ZNF713: variants seen among roughly 807,000 people sequenced by gnomAD.
ZNF713 encodes zinc finger protein 713.
ZNF713 carries 21 observed loss-of-function variants against 28.7 expected under a neutral mutation model. The ratio of observed to expected loss-of-function variants is 0.73; its 90% CI spans 0.52 to 1.05. The LOEUF is 1.05. ZNF713 is among the 50% of genes least tolerant of loss of function. The pLI is 0.00. For synonymous variants in ZNF713, 167 were observed against 178.0 expected, an observed-to-expected ratio of 0.94 and a Z score of 0.49; for missense variants, 458 against 532.4, an observed-to-expected ratio of 0.86 and a Z score of 1.37.
Position 55,940,253 on chromosome 7 carries a change from G to A in ZNF713, c.*247G>A. On this transcript the variant is annotated 3_prime_UTR_variant, in exon 7 of 7. Transcript: ENST00000429591. The stretch of plus-strand genomic sequence containing the variant: ...TTCTCCTGCCTCAGCCTCCTGAGTA[G>A]CTGGGACCACAGGTATGCACCACCA... 1.6e-6 allele frequency: 1 copy of A among 616,790 alleles called. No individual in the cohort carries two copies. Among genetic ancestry groups the A allele is most frequent in the East Asian group, 4.7e-5 (1 of 21,318 alleles). The allele number at this position is 616,790 out of a possible 1,614,324, so 38.2% of individuals were successfully genotyped here. A position where few individuals can be genotyped will look rare whatever the true frequency, so the allele number is the denominator to read the frequency against.
chr7:55,932,137 A>G (rs1786222772), intron 6 of ZNF713, among the ~76,000 whole-genome samples: 1 of 152,198 alleles, frequency 6.6e-6, no homozygotes, highest in South Asian at 2.1e-4. Context: ...TAATTTTTCC[A>G]TGTGTAATTT....
intron 6 of ZNF713, among the ~76,000 whole-genome samples, chr7:55,938,129 G>A (rs753475364): frequency 4.6e-5 from 7 of 151,706 alleles, no homozygotes; most frequent in African/African-American, 1.5e-4. Context: ...GCTTGAACCC[G>A]GGAGGTGGAG....
chr7:55,921,522 G>A (rs955495132), intron 4 of ZNF713, among the ~76,000 whole-genome samples: 2 of 152,188 alleles, frequency 1.3e-5, no homozygotes, highest in African/African-American at 4.8e-5. Context: ...ATTAACAAGA[G>A]TTTGGAAGAA....
intron 2 of ZNF713, among the ~76,000 whole-genome samples, chr7:55,907,431 C>T (rs1785699760): frequency 6.6e-6 from 1 of 152,136 alleles, no homozygotes; most frequent in Admixed American, 6.6e-5. Flanking sequence ...GAAGTTAGTT[C>T]GTTCATGTTT....
chr7:55,907,819 C>T (rs1051338180), intron 2 of ZNF713, among the ~76,000 whole-genome samples: 1 of 152,128 alleles, frequency 6.6e-6, no homozygotes, highest in African/African-American at 2.4e-5. Context: ...CCTAGTATTC[C>T]ATGTTGTATA....
intron 6 of ZNF713, among the ~76,000 whole-genome samples, chr7:55,934,346 C>T (rs893088032): frequency 1.3e-5 from 2 of 151,894 alleles, no homozygotes; most frequent in African/African-American, 4.8e-5. Context: ...ATAAAACAGC[C>T]CATAAATATA....
At chr7:55,889,210 T>C (rs976787328) in intron 1 of ZNF713, among the ~76,000 whole-genome samples, 1 of 151,884 alleles carries the variant, frequency 6.6e-6, no homozygotes, top group African/African-American at 2.4e-5. Flanking sequence ...CAAATGATTC[T>C]CCTGTCTCAG....
intron 6 of ZNF713, among the ~76,000 whole-genome samples, chr7:55,927,766 G>T (rs189177036): frequency 6.6e-6 from 1 of 151,320 alleles, no homozygotes; most frequent in African/African-American, 2.4e-5. Context: ...GCTTGGTGGC[G>T]TGCACCTGTA....
intron 6 of ZNF713, among the ~76,000 whole-genome samples, chr7:55,929,760 A>C (rs1786174379): frequency 6.6e-6 from 1 of 151,914 alleles, no homozygotes; most frequent in South Asian, 2.1e-4. Context: ...AAAAAAAAAA[A>C]CTGGAGAGAG....
In ZNF713 at chr7:55,940,687, G is replaced by A; in HGVS notation, c.*681G>A. On this transcript the variant is annotated 3_prime_UTR_variant, in exon 7 of 7. Coordinates refer to ENST00000429591, the MANE Select transcript of ZNF713 (RefSeq NM_182633.3). The stretch of plus-strand genomic sequence containing the variant: ...ACATGGGAGGTGGAGGTTGCTGTGA[G>A]CTGAGATCATGCCACTGTACTCCAG... 7.6e-6 allele frequency: 3 copies of A among 392,896 alleles called. No individual in the cohort carries two copies. Among genetic ancestry groups the A allele is most frequent in the Non-Finnish European group, 1.0e-5 (3 of 290,440 alleles). The allele number at this position is 392,896 out of a possible 1,614,324, so 24.3% of individuals were successfully genotyped here.
intron 2 of ZNF713, among the ~76,000 whole-genome samples, chr7:55,909,645 T>C (rs755955826): frequency 6.6e-6 from 1 of 152,214 alleles, no homozygotes; most frequent in Non-Finnish European, 1.5e-5. Flanking sequence ...GCCATTTTAA[T>C]GATATTGATT....
chr7:55,890,803 T>G (rs562965410), intron 1 of ZNF713, among the ~76,000 whole-genome samples: 40 of 152,118 alleles, frequency 2.6e-4, no homozygotes, highest in Non-Finnish European at 5.4e-4. Context: ...ATGGATCATC[T>G]GAGGTCAGGA....
In ZNF713 at chr7:55,923,627, G is replaced by T. The variant is rs762736027; in HGVS notation, c.235G>T (p.Glu79Ter). 1.9e-6 allele frequency: 3 copies of T among 1,608,222 alleles called. No homozygotes were observed. The South Asian group carries it at 3.3e-5, about 18-fold the overall frequency. The change falls in exon 6 of 7, where the codon GAG becomes TAG. Residue 79 changes from glutamate (E) to a stop codon, truncating the protein, a stop_gained. Transcript: ENST00000429591. LOFTEE classifies it high-confidence loss of function. The part of the protein sequence containing the change: ...VALGYQLCKP[E>*]VIAQLELEEE... Reference sequence around the variant, plus strand: ...AATAGGGTATCAGCTTTGTAAGCCAGAGGTAATCGCGCAGTTGGAGCTAGA... The same window carrying T: ...AATAGGGTATCAGCTTTGTAAGCCATAGGTAATCGCGCAGTTGGAGCTAGA...
intron 2 of ZNF713, 46 bp from the exon 3 acceptor site, chr7:55,911,570 G>A (rs1481419168): frequency 6.6e-6 from 1 of 152,188 alleles, no homozygotes; most frequent in Non-Finnish European, 1.5e-5. Context: ...CTAGGTGGCT[G>A]AGACTGCTGG....
At chr7:55,919,981 A>G (rs1380617497) in intron 4 of ZNF713, among the ~76,000 whole-genome samples, 2 of 152,146 alleles carry the variant, frequency 1.3e-5, no homozygotes, top group Non-Finnish European at 2.9e-5. Context: ...CTTAATTGAT[A>G]AATGTTGTGT....
At chr7:55,937,486 A>G (rs1786377740) in intron 6 of ZNF713, among the ~76,000 whole-genome samples, 1 of 152,080 alleles carries the variant, frequency 6.6e-6, no homozygotes, top group South Asian at 2.1e-4. Context: ...CCCTTTCTGT[A>G]ACCCATCCAG....
rs918345834 is a variant in ZNF713 at position 55,941,673 on chromosome 7, TAA to T, written c.*1668_*1669del. The stretch of plus-strand genomic sequence containing the variant: ...AGGAAATACTATTTAGCATATAAAA[TAA>T]GTTATATGCTAGTTTTATATGCTAA... On this transcript the variant is annotated 3_prime_UTR_variant, in exon 7 of 7. Coordinates refer to ENST00000429591, the MANE Select transcript of ZNF713 (RefSeq NM_182633.3). 13 of 152,252 alleles carry T rather than the reference TAA, an allele frequency of 8.5e-5. No homozygotes were observed. Among genetic ancestry groups the T allele is most frequent in the African/African-American group, 2.9e-4 (12 of 41,562 alleles). The allele number at this position is 152,252 out of a possible 1,614,324, so 9.4% of individuals were successfully genotyped here.
At position 55,923,540 on chromosome 7, in the gene ZNF713, T is replaced by C. The variant is rs1345091153; in HGVS notation, c.215-67T>C. Reference sequence around the variant, plus strand: ...CAGAGGCTCTAAAGATTGAAAAGGTTGGGAGTGTGTCTGAGAATTTTGTTC... The same window carrying C: ...CAGAGGCTCTAAAGATTGAAAAGGTCGGGAGTGTGTCTGAGAATTTTGTTC... On this transcript the variant is annotated intron_variant, in intron 5 of 6. Coordinates refer to ENST00000429591, the MANE Select transcript of ZNF713 (RefSeq NM_182633.3). 3.6e-6 allele frequency: 5 copies of C among 1,384,836 alleles called. No individual in the cohort carries two copies. In the Admixed American group the frequency reaches 7.9e-5, roughly 22 times the overall value. The allele number at this position is 1,384,836 out of a possible 1,614,324, so 85.8% of individuals were successfully genotyped here.
chr7:55,940,658 T>C lies in ZNF713; in HGVS notation c.*652T>C. 1.4e-6 allele frequency: 1 copy of C among 694,522 alleles called. No individual in the cohort carries two copies. The highest frequency in any genetic ancestry group is 1.8e-6 in the Non-Finnish European group (1 of 565,362). The allele number at this position is 694,522 out of a possible 1,614,324, so 43.0% of individuals were successfully genotyped here. On this transcript the variant is annotated 3_prime_UTR_variant, in exon 7 of 7. Coordinates refer to ENST00000429591, the MANE Select transcript of ZNF713 (RefSeq NM_182633.3). ...CTGGAGACTGAGGCATGAGAATGAC[T>C]TGAACATGGGAGGTGGAGGTTGCTG... is the stretch of plus-strand genomic sequence containing the variant.
Sources: gnomAD v4.1 joint callset for allele counts (sites outside exome capture counted in the v4.1 genomes callset) on GRCh38, gnomAD v4.1.1 for gene constraint, MANE v1.5 for transcripts, NCBI Gene and HGNC (gene_info 2026-07-23, HGNC 2026-07-21) for gene names.